MALT1: variants seen among roughly 807,000 people sequenced by gnomAD.
The protein encoded by MALT1 is mucosa-associated lymphoid tissue lymphoma translocation protein 1.
A neutral mutation model predicts 85.5 loss-of-function variants in MALT1; 36 were observed. The ratio of observed to expected loss-of-function variants is 0.42; its 90% CI spans 0.32 to 0.56. MALT1 has a LOEUF of 0.56. Ranked by LOEUF, MALT1 falls within the 20% of genes least tolerant of loss-of-function variation. The pLI, the probability that MALT1 is intolerant of heterozygous loss-of-function variation, is 0.10. For missense variants in MALT1, 716 were observed against 981.6 expected, an observed-to-expected ratio of 0.73 and a Z score of 3.62; for synonymous variants, 359 against 361.3, an observed-to-expected ratio of 0.99 and a Z score of 0.07.
At chr18:58,673,472 C>T (rs1448844438) in intron 1 of MALT1, among the ~76,000 whole-genome samples, 4 of 150,790 alleles carry the variant, frequency 2.7e-5, no homozygotes, top group East Asian at 3.9e-4. Flanking sequence ...TTTTTTTTTC[C>T]GAGATGGAGT....
chr18:58,738,448 C>G (rs746655268), intron 13 of MALT1, among the ~76,000 whole-genome samples: 1 of 152,148 alleles, frequency 6.6e-6, no homozygotes, highest in Non-Finnish European at 1.5e-5. Context: ...CTATCATTAA[C>G]AGTCTTGTGT....
In MALT1 at chr18:58,700,796, T is replaced by A. The variant is rs72960726; in HGVS notation, c.649+205T>A. 3.3e-3 allele frequency among the ~76,000 whole-genome samples: 502 copies of A among 152,254 alleles called. 2 individuals carry two copies. The highest frequency in any genetic ancestry group is 4.9e-3 in the Non-Finnish European group (330 of 68,022). Reference sequence around the variant, plus strand: ...TTTTTTTTAATTTAGTTTTTGGTTTTGTTGTTTTTTAAGACAAAGTCTTTT... The same window carrying A: ...TTTTTTTTAATTTAGTTTTTGGTTTAGTTGTTTTTTAAGACAAAGTCTTTT... On this transcript the variant is annotated intron_variant, in intron 4 of 16. Transcript: ENST00000649217.
At position 58,709,524 on chromosome 18, in the gene MALT1, C is replaced by T; in HGVS notation, c.796C>T (p.Pro266Ser). 1 of 1,610,412 alleles carries T rather than the reference C, an allele frequency of 6.2e-7. No individual in the cohort carries two copies. The highest frequency in any genetic ancestry group is 8.5e-7 in the Non-Finnish European group (1 of 1,178,728). The change falls in exon 5 of 17, where the codon CCA becomes TCA. Residue 266 changes from proline to serine, a missense_variant. Transcript: ENST00000649217. ...CTACCAGTGGTTCAAAAATGAATTACCATTAACACATGAGACCAAAAAGCT... is the reference window on the plus strand; with the variant it reads ...CTACCAGTGGTTCAAAAATGAATTATCATTAACACATGAGACCAAAAAGCT... ...PHYQWFKNELPLTHETKKLYM... is the reference protein window; with the variant it reads ...PHYQWFKNELSLTHETKKLYM...
chr18:58,696,634 C>A (rs570449564), intron 3 of MALT1, 147 bp downstream of exon 3: 28 of 559,010 alleles, frequency 5.0e-5, no homozygotes, highest in African/African-American at 3.7e-4. Flanking sequence ...AGTCAATAGT[C>A]ATTATTTTGG....
chr18:58,698,354 C>T (rs1333550927), intron 3 of MALT1, among the ~76,000 whole-genome samples: 2 of 152,104 alleles, frequency 1.3e-5, no homozygotes, highest in African/African-American at 2.4e-5. Context: ...CGTGAGCTGT[C>T]GCACCCGACT....
chr18:58,709,343 T>G (rs2054799932), intron 4 of MALT1, 35 bp from the exon 5 acceptor site: 1 of 1,395,988 alleles, frequency 7.2e-7, no homozygotes. Flanking sequence ...TTTTTATTTT[T>G]AACCTAGAGA....
At chr18:58,734,052 T>C (rs1464600396) in intron 11 of MALT1, 4 of 1,283,188 alleles carry the variant, frequency 3.1e-6, no homozygotes, top group Non-Finnish European at 4.0e-6. Context: ...AGATTTACTA[T>C]TTTTTTGCTT....
intron 1 of MALT1, among the ~76,000 whole-genome samples, chr18:58,674,289 G>C (rs1456936301): frequency 6.6e-6 from 1 of 152,192 alleles, no homozygotes; most frequent in Admixed American, 6.5e-5. Context: ...GCTTTGTTTG[G>C]GGGAACTAAA....
chr18:58,737,739 C>T (rs754322174), intron 13 of MALT1, among the ~76,000 whole-genome samples: 54 of 152,108 alleles, frequency 3.6e-4, no homozygotes, highest in African/African-American at 1.2e-3. Context: ...CACACCACCA[C>T]GTCCGGCTAA....
chr18:58,751,035 A>G lies in MALT1; in HGVS notation c.*3193A>G, dbSNP rs1170206464. The G allele has an allele frequency of 2.0e-5, 3 of 152,254 alleles. No homozygotes were observed. The highest frequency in any genetic ancestry group is 2.0e-4 in the Admixed American group (3 of 15,284). 9.4% of individuals were successfully genotyped at this position (152,254 alleles called of 1,614,324 possible). A position where few individuals can be genotyped will look rare whatever the true frequency, so the allele number is the denominator to read the frequency against. On this transcript the variant is annotated 3_prime_UTR_variant, in exon 17 of 17. Transcript: ENST00000649217. ...TGGTTACCACCGAGCAGCACTGTCC[A>G]GTGAACTTGCTGTGATGATGGGATG...
At position 58,747,888 on chromosome 18, in the gene MALT1, TAGTACTGCACTTACA is replaced by T; in HGVS notation, c.*47_*61del. ...AGCATAATTTTAGATGCCTGTGAAA[TAGTACTGCACTTACA>T]TAAAGTGAGACATTGTGAAAAGGCA... On this transcript the variant is annotated 3_prime_UTR_variant, in exon 17 of 17. Coordinates refer to ENST00000649217, the MANE Select transcript of MALT1 (RefSeq NM_006785.4). 1 of 1,475,138 alleles carries T rather than the reference TAGTACTGCACTTACA, an allele frequency of 6.8e-7. No individual in the cohort carries two copies. Among genetic ancestry groups the T allele is most frequent in the Non-Finnish European group, 9.4e-7 (1 of 1,066,094 alleles). 91.4% of individuals were successfully genotyped at this position (1,475,138 alleles called of 1,614,324 possible).
At chr18:58,687,234 G>A (rs1483285985) in intron 2 of MALT1, among the ~76,000 whole-genome samples, 1 of 152,158 alleles carries the variant, frequency 6.6e-6, no homozygotes, top group African/African-American at 2.4e-5. Flanking sequence ...GTATGGATGT[G>A]CATGAGGATA....
At position 58,700,585 on chromosome 18, in the gene MALT1, T is replaced by C. The variant is rs1478296281; in HGVS notation, c.643T>C (p.Phe215Leu). 7.5e-6 allele frequency: 12 copies of C among 1,593,224 alleles called. No homozygotes were observed. Among genetic ancestry groups the C allele is most frequent in the Non-Finnish European group, 7.7e-6 (9 of 1,174,208 alleles). ...GGATGTTTGCGACATCCCAGAGAGC[T>C]TCCAGAGTAAGTAACGAAAGAAGCT... Reference protein sequence around the residue: ...QLDVCDIPESFQRSVDGVSES... With the variant: ...QLDVCDIPESLQRSVDGVSES... Residue 215 changes from phenylalanine to leucine, a missense_variant, in exon 4 of 17, where the codon TTC becomes CTC. Physicochemically the swap from Phe to Leu is conservative, Grantham distance 22 (BLOSUM62 0). Coordinates refer to ENST00000649217, the MANE Select transcript of MALT1 (RefSeq NM_006785.4).
chr18:58,712,314 G>A (rs79002421), intron 7 of MALT1, among the ~76,000 whole-genome samples: 27,223 of 151,854 alleles, frequency 0.18, 3,160 homozygotes, highest in African/African-American at 0.33. Flanking sequence ...ATTTAGCATG[G>A]TGTCCTCTAT....
intron 3 of MALT1, among the ~76,000 whole-genome samples, chr18:58,698,071 T>G (rs1471003548): frequency 5.3e-5 from 4 of 75,148 alleles, no homozygotes; most frequent in Non-Finnish European, 1.1e-4. Flanking sequence ...TGTTTTGTTT[T>G]TTTGTTTTTT....
At chr18:58,736,819 C>T (rs1375709429) in intron 13 of MALT1, among the ~76,000 whole-genome samples, 1 of 152,190 alleles carries the variant, frequency 6.6e-6, no homozygotes, top group Non-Finnish European at 1.5e-5. Flanking sequence ...TTGTGCCCTT[C>T]GTGGGTAACG....
At chr18:58,687,429 C>T (rs1288282414) in intron 2 of MALT1, among the ~76,000 whole-genome samples, 26 of 152,124 alleles carry the variant, frequency 1.7e-4, no homozygotes, top group Admixed American at 1.6e-3. Flanking sequence ...TGTGGACATA[C>T]TTTGTGTAAT....
chr18:58,740,087 G>A (rs1273008152), intron 13 of MALT1, among the ~76,000 whole-genome samples: 1 of 152,146 alleles, frequency 6.6e-6, no homozygotes, highest in East Asian at 1.9e-4. Context: ...ATTTTGATAA[G>A]TTATATTTTC....
intron 13 of MALT1, among the ~76,000 whole-genome samples, chr18:58,738,114 C>A (rs1418807726): frequency 6.6e-6 from 1 of 152,160 alleles, no homozygotes; most frequent in Non-Finnish European, 1.5e-5. Flanking sequence ...CCTCTTCTCC[C>A]TTCCCCCACT....
Sources: allele counts gnomAD v4.1 joint callset (sites outside exome capture counted in the v4.1 genomes callset), GRCh38; gene constraint gnomAD v4.1.1; transcripts MANE v1.5; gene names NCBI Gene and HGNC (gene_info 2026-07-23, HGNC 2026-07-21).